The following BBS9 variants were observed in gnomAD, a reference collection of about 807,000 sequenced individuals.
BBS9 encodes the protein protein PTHB1.
BBS9 carries 89 observed loss-of-function variants against 117.7 expected under a neutral mutation model. The observed-to-expected ratio is 0.76, with a 90% CI of 0.64 to 0.90. BBS9 has a LOEUF of 0.90. Among genes scored for constraint, BBS9 ranks in the 40% least tolerant of loss-of-function variants. The pLI, the probability that BBS9 is intolerant of heterozygous loss-of-function variation, is 0.00. For synonymous variants in BBS9, 379 were observed against 370.9 expected, an observed-to-expected ratio of 1.02 and a Z score of -0.25; for missense variants, 982 against 1,042.2, an observed-to-expected ratio of 0.94 and a Z score of 0.80.
At chr7:33,393,139 C>G (rs1210381238) in intron 19 of BBS9, among the ~76,000 whole-genome samples, 3 of 151,972 alleles carry the variant, frequency 2.0e-5, no homozygotes, top group Non-Finnish European at 4.4e-5. Flanking sequence ...GTATTCTAGC[C>G]TGGGCAACAG....
chr7:33,503,070 C>T (rs915770360), intron 19 of BBS9, among the ~76,000 whole-genome samples: 1 of 152,140 alleles, frequency 6.6e-6, no homozygotes, highest in African/African-American at 2.4e-5. Context: ...TTAATCGTTA[C>T]ATTAATTCAG....
intron 21 of BBS9, among the ~76,000 whole-genome samples, chr7:33,593,473 G>C (rs923809110): frequency 5.4e-5 from 8 of 149,166 alleles, no homozygotes; most frequent in African/African-American, 2.0e-4. Flanking sequence ...GTCTTTCCTA[G>C]TGCTCTAGGT....
rs561901759 is a variant in BBS9 at position 33,547,015 on chromosome 7, A to AT, written c.2521+12846dup. Among the ~76,000 whole-genome samples the AT allele has an allele frequency of 1.2e-3, 181 of 152,222 alleles. 1 individual carries two copies. Among genetic ancestry groups the AT allele is most frequent in the African/African-American group, 4.3e-3 (177 of 41,532 alleles). On this transcript the variant is annotated intron_variant, in intron 21 of 22. Transcript: ENST00000242067. Reference sequence around the variant, plus strand: ...CACATATAGTTCATGCCCACCATGTATTTTTTTAAAGTTTTTTATTTTGAA... The same window carrying AT: ...CACATATAGTTCATGCCCACCATGTATTTTTTTTAAAGTTTTTTATTTTGAA...
rs988409468 is a variant in BBS9, at chr7:33,533,216, G to A, written c.2299-738G>A. Among the ~76,000 whole-genome samples, 3 of 152,192 alleles carry A rather than the reference G, an allele frequency of 2.0e-5. No homozygotes were observed. In the South Asian group the frequency reaches 6.2e-4, roughly 31 times the overall value. On this transcript the variant is annotated intron_variant, in intron 20 of 22. Coordinates refer to ENST00000242067, the MANE Select transcript of BBS9 (RefSeq NM_198428.3). The stretch of plus-strand genomic sequence containing the variant: ...TGGTGCCAGTGCTCTCCATGACAAT[G>A]CTGAGGTCCCTGCCTTGTGCTGACG...
chr7:33,333,379 A>G (rs1414697868), intron 9 of BBS9, among the ~76,000 whole-genome samples: 2 of 152,062 alleles, frequency 1.3e-5, no homozygotes, highest in South Asian at 2.1e-4. Context: ...TGCAAAATAC[A>G]TTGTTTCATT....
intron 18 of BBS9, among the ~76,000 whole-genome samples, chr7:33,387,487 T>G (rs1312051255): frequency 1.3e-5 from 2 of 152,178 alleles, no homozygotes. Context: ...TTTAAAATCA[T>G]GTGGAATTAA....
chr7:33,383,366 G>A (rs1825426003), intron 17 of BBS9, among the ~76,000 whole-genome samples: 1 of 151,984 alleles, frequency 6.6e-6, no homozygotes, highest in Non-Finnish European at 1.5e-5. Context: ...CTTTTTAAAG[G>A]ACCCAAATTT....
intron 5 of BBS9, among the ~76,000 whole-genome samples, chr7:33,220,929 A>G (rs1054302104): frequency 6.6e-6 from 1 of 152,270 alleles, no homozygotes; most frequent in Non-Finnish European, 1.5e-5. Flanking sequence ...TTTGTTTTAC[A>G]ACTACAAAAT....
intron 19 of BBS9, among the ~76,000 whole-genome samples, chr7:33,408,233 C>G (rs1191573256): frequency 6.6e-6 from 1 of 152,234 alleles, no homozygotes; most frequent in East Asian, 1.9e-4. Context: ...GTGTAGGACC[C>G]TCTGAGCCAG....
chr7:33,588,489 G>A (rs1054302927), intron 21 of BBS9, among the ~76,000 whole-genome samples: 7 of 152,162 alleles, frequency 4.6e-5, no homozygotes, highest in South Asian at 2.1e-4. Flanking sequence ...TGTGCCAAGC[G>A]CTGTTCCAAG....
Position 33,261,187 on chromosome 7 carries a change from G to T in BBS9, c.618-3103G>T, listed in dbSNP as rs116004432. Among the ~76,000 whole-genome samples, 519 of 151,872 alleles carry T rather than the reference G, an allele frequency of 3.4e-3. 6 individuals are homozygous for T. Among genetic ancestry groups the T allele is most frequent in the African/African-American group, 0.012 (499 of 41,432 alleles). On this transcript the variant is annotated intron_variant, in intron 6 of 22. Transcript: ENST00000242067. ...TCCCCTTCAGTTCTTCCCTGACCTA[G>T]ATGTAACCAACATCTCCTTTTTCTC...
rs147282685 is a variant in BBS9, at chr7:33,196,080, T to C, written c.442+18489T>C. On this transcript the variant is annotated intron_variant, in intron 5 of 22. Transcript: ENST00000242067. ...TGACTTCTATAAGCTTGTATGGGATTATATTGTCACATAAATAAAAATTCA... is the reference window on the plus strand; with the variant it reads ...TGACTTCTATAAGCTTGTATGGGATCATATTGTCACATAAATAAAAATTCA... 2.5e-4 allele frequency among the ~76,000 whole-genome samples: 38 copies of C among 152,298 alleles called. 1 individual carries two copies. Among genetic ancestry groups the C allele is most frequent in the African/African-American group, 8.7e-4 (36 of 41,566 alleles).
At chr7:33,332,701 A>T (rs913195885) in intron 9 of BBS9, among the ~76,000 whole-genome samples, 1 of 151,972 alleles carries the variant, frequency 6.6e-6, no homozygotes, top group Non-Finnish European at 1.5e-5. Context: ...AACAACAACA[A>T]CAACAACAAA....
At chr7:33,364,160 G>T (rs1208583194) in intron 16 of BBS9, among the ~76,000 whole-genome samples, 2 of 36,224 alleles carry the variant, frequency 5.5e-5, no homozygotes, top group African/African-American at 2.7e-4. Context: ...GTGTTAGCCA[G>T]GATGGTCTCG....
At chr7:33,435,620 A>C (rs1407322343) in intron 19 of BBS9, among the ~76,000 whole-genome samples, 3 of 152,290 alleles carry the variant, frequency 2.0e-5, no homozygotes, top group East Asian at 3.9e-4. Context: ...ATACTGAATT[A>C]AATACCAAGC....
At chr7:33,455,057 T>C (rs1302292467) in intron 19 of BBS9, among the ~76,000 whole-genome samples, 2 of 152,214 alleles carry the variant, frequency 1.3e-5, no homozygotes, top group African/African-American at 4.8e-5. Flanking sequence ...ATCCAGTTTA[T>C]CATGTTGTGA....
At chr7:33,513,061 C>T (rs1040053346) in intron 20 of BBS9, among the ~76,000 whole-genome samples, 1 of 152,188 alleles carries the variant, frequency 6.6e-6, no homozygotes, top group African/African-American at 2.4e-5. Context: ...CAGTGCCAGG[C>T]ATTGAGTACC....
At chr7:33,401,763 C>T (rs1383934102) in intron 19 of BBS9, among the ~76,000 whole-genome samples, 1 of 152,138 alleles carries the variant, frequency 6.6e-6, no homozygotes, top group African/African-American at 2.4e-5. Context: ...AAATGTTTAT[C>T]AGATTCCCAG....
intron 9 of BBS9, among the ~76,000 whole-genome samples, chr7:33,282,127 T>C (rs1278389435): frequency 6.6e-6 from 1 of 152,156 alleles, no homozygotes; most frequent in Non-Finnish European, 1.5e-5. Context: ...TATTTGTTTT[T>C]AAAATAGCTT....
Sources: gnomAD v4.1 joint callset for allele counts (sites outside exome capture counted in the v4.1 genomes callset) on GRCh38, gnomAD v4.1.1 for gene constraint, MANE v1.5 for transcripts, NCBI Gene and HGNC (gene_info 2026-07-23, HGNC 2026-07-21) for gene names.